Variants in DPP6 observed in about 807,000 individuals in gnomAD.
DPP6 encodes the protein dipeptidyl peptidase like 6.
DPP6 carries 69 observed loss-of-function variants against 122.6 expected under a neutral mutation model. That is an observed-to-expected ratio of 0.56 (90% CI 0.46 to 0.69). The LOEUF (loss-of-function observed/expected upper bound fraction) is 0.69. DPP6 is among the 30% of genes least tolerant of loss of function. The pLI is 0.00. For synonymous variants in DPP6, 418 were observed against 433.1 expected (o/e 0.97, Z 0.43); for missense variants, 928 against 1,116.9 (o/e 0.83, Z 2.41).
At chr7:154,183,522 G>T (rs754861375) in intron 1 of DPP6, among the ~76,000 whole-genome samples, 7 of 152,102 alleles carry the variant, frequency 4.6e-5, no homozygotes, top group Non-Finnish European at 1.0e-4. Flanking sequence ...TGGTTCTTCC[G>T]GAGTGGTGAT....
At chr7:154,545,803 T>C (rs566708118) in intron 4 of DPP6, among the ~76,000 whole-genome samples, 1 of 152,366 alleles carries the variant, frequency 6.6e-6, no homozygotes, top group Non-Finnish European at 1.5e-5. Flanking sequence ...CCTCCACTGA[T>C]AGTGCTATGG....
At chr7:154,592,441 A>C (rs530025511) in intron 5 of DPP6, among the ~76,000 whole-genome samples, 1 of 152,234 alleles carries the variant, frequency 6.6e-6, no homozygotes, top group Non-Finnish European at 1.5e-5. Flanking sequence ...GCGCTCTCGC[A>C]GGCACAGGGA....
chr7:153,960,718 C>CGTGTGTGTGTATGCGTGT (rs1554419075), intron 1 of DPP6, among the ~76,000 whole-genome samples: 1 of 147,246 alleles, frequency 6.8e-6, no homozygotes, highest in Non-Finnish European at 1.5e-5. Context: ...TGTGTGCATG[C>CGTGTGTGTGTATGCGTGT]GTGTGTGTGT....
intron 7 of DPP6, among the ~76,000 whole-genome samples, chr7:154,681,387 T>C (rs1356344990): frequency 6.6e-6 from 1 of 152,114 alleles, no homozygotes; most frequent in East Asian, 1.9e-4. Flanking sequence ...AGGACCAGAG[T>C]TGTACATTAA....
intron 1 of DPP6, among the ~76,000 whole-genome samples, chr7:154,226,330 A>T (rs917440393): frequency 6.6e-6 from 1 of 152,194 alleles, no homozygotes; most frequent in African/African-American, 2.4e-5. Context: ...GCCAGATGTG[A>T]GTTGATGAAT....
intron 1 of DPP6, among the ~76,000 whole-genome samples, chr7:154,100,605 G>A (rs1805662262): frequency 1.2e-5 from 1 of 83,352 alleles, no homozygotes; most frequent in Non-Finnish European, 2.2e-5. Context: ...CCACACTCGG[G>A]GCAAGACCAT....
chr7:154,865,137 C>T (rs1348645913), intron 17 of DPP6, among the ~76,000 whole-genome samples: 1 of 152,168 alleles, frequency 6.6e-6, no homozygotes, highest in African/African-American at 2.4e-5. Flanking sequence ...TAGCAGACCC[C>T]CCCAGCTGAA....
chr7:154,621,651 G>GC (rs1389024193), intron 5 of DPP6, among the ~76,000 whole-genome samples: 1 of 152,202 alleles, frequency 6.6e-6, no homozygotes, highest in Non-Finnish European at 1.5e-5. Context: ...AGAGGCATGA[G>GC]CTACCGCACC....
intron 1 of DPP6, among the ~76,000 whole-genome samples, chr7:154,215,070 T>A (rs1799928934): frequency 6.6e-6 from 1 of 152,112 alleles, no homozygotes; most frequent in South Asian, 2.1e-4. Context: ...GCTATAAAGG[T>A]ACTACCTGAG....
At chr7:154,575,286 GTGTA>G (rs1332447663) in intron 5 of DPP6, among the ~76,000 whole-genome samples, 2 of 122,328 alleles carry the variant, frequency 1.6e-5, no homozygotes, top group Admixed American at 8.4e-5. Flanking sequence ...TGTATGTGGT[GTGTA>G]TGTGTGTGGG....
chr7:154,202,545 C>T (rs920892389), intron 1 of DPP6, among the ~76,000 whole-genome samples: 1 of 152,166 alleles, frequency 6.6e-6, no homozygotes, highest in African/African-American at 2.4e-5. Flanking sequence ...TCCCCCAAAC[C>T]GGACGTGATT....
At chr7:154,420,121 G>A (rs1024809966) in intron 1 of DPP6, among the ~76,000 whole-genome samples, 23 of 152,212 alleles carry the variant, frequency 1.5e-4, no homozygotes, top group Non-Finnish European at 2.9e-4. Context: ...CGGACCACCT[G>A]AGGTCAGGAG....
chr7:154,882,653 C>A (rs1805480008), intron 21 of DPP6, among the ~76,000 whole-genome samples: 2 of 152,104 alleles, frequency 1.3e-5, no homozygotes, highest in South Asian at 4.1e-4. Flanking sequence ...GCGTTATGTT[C>A]TGCAGTTTCC....
chr7:154,388,718 G>A (rs1051583902), intron 1 of DPP6, among the ~76,000 whole-genome samples: 4 of 152,156 alleles, frequency 2.6e-5, no homozygotes, highest in African/African-American at 9.7e-5. Flanking sequence ...TCACAGGGAA[G>A]ATGTGAATGG....
intron 7 of DPP6, among the ~76,000 whole-genome samples, chr7:154,711,816 C>A (rs924651308): frequency 1.3e-5 from 2 of 152,068 alleles, no homozygotes. Context: ...ATGTAATTAG[C>A]CCCCTCTTTA....
chr7:154,258,097 A>C (rs1802768538), intron 1 of DPP6, among the ~76,000 whole-genome samples: 1 of 150,728 alleles, frequency 6.6e-6, no homozygotes, highest in Admixed American at 6.6e-5. Context: ...GAACTTAAAG[A>C]AAGTGAGCAT....
chr7:154,017,923 A>G (rs149862162), intron 1 of DPP6, among the ~76,000 whole-genome samples: 1,696 of 152,266 alleles, frequency 0.011, 47 homozygotes, highest in African/African-American at 0.038. Context: ...GTCATAAAGC[A>G]TCACATAAAT....
intron 1 of DPP6, among the ~76,000 whole-genome samples, chr7:153,902,827 A>C (rs2128999263): frequency 6.6e-6 from 1 of 151,668 alleles, no homozygotes; most frequent in South Asian, 2.1e-4. Flanking sequence ...CAAGAGTGAA[A>C]CCCCGTCAAA....
the DPP6 span, among the ~76,000 whole-genome samples, chr7:153,773,853 C>A: frequency 3.5e-5 from 4 of 115,626 alleles, no homozygotes; most frequent in Non-Finnish European, 3.6e-5. Context: ...ATAAAGATGG[C>A]AACAAAGACA....
Sources: gnomAD v4.1 joint callset for allele counts (sites outside exome capture counted in the v4.1 genomes callset) on GRCh38, gnomAD v4.1.1 for gene constraint, MANE v1.5 for transcripts, NCBI Gene and HGNC (gene_info 2026-07-23, HGNC 2026-07-21) for gene names.